The following AP3M1 variants were observed in gnomAD, a reference collection of about 807,000 sequenced individuals.
The protein encoded by AP3M1 is adaptor related protein complex 3 subunit mu 1.
In AP3M1, 29 loss-of-function variants were observed where a neutral mutation model predicts 42.6. That is an observed-to-expected ratio of 0.68 (90% CI 0.51 to 0.93). AP3M1 has a LOEUF of 0.93. AP3M1 is among the 40% of genes least tolerant of loss of function. AP3M1 has a pLI of 0.00. For synonymous variants in AP3M1, 178 were observed against 175.3 expected, an observed-to-expected ratio of 1.02 and a Z score of -0.12; for missense variants, 416 against 510.2, an observed-to-expected ratio of 0.82 and a Z score of 1.78.
chr10:74,131,430 G>A (rs1406650828), intron 4 of AP3M1, among the ~76,000 whole-genome samples: 2 of 152,140 alleles, frequency 1.3e-5, no homozygotes, highest in Non-Finnish European at 2.9e-5. Flanking sequence ...GCCTCCTAAA[G>A]TGCTGGGATT....
intron 6 of AP3M1, among the ~76,000 whole-genome samples, chr10:74,128,489 T>A (rs7907046): frequency 2.0e-5 from 3 of 152,058 alleles, no homozygotes; most frequent in African/African-American, 7.2e-5. Flanking sequence ...TCTGCCCACA[T>A]TGGCCTCCCA....
chr10:74,136,325 A>G (rs904532205), intron 3 of AP3M1, among the ~76,000 whole-genome samples: 1 of 152,116 alleles, frequency 6.6e-6, no homozygotes, highest in Non-Finnish European at 1.5e-5. Context: ...GTGGGCTCAT[A>G]TACTGGCTTC....
At chr10:74,137,108 T>C (rs1452615383) in intron 2 of AP3M1, among the ~76,000 whole-genome samples, 1 of 152,058 alleles carries the variant, frequency 6.6e-6, no homozygotes, top group Non-Finnish European at 1.5e-5. Flanking sequence ...AGTGTGATGG[T>C]GCACACCTGT....
intron 2 of AP3M1, 47 bp from the exon 3 acceptor site, chr10:74,136,850 A>C: frequency 2.3e-6 from 3 of 1,291,456 alleles, no homozygotes; most frequent in Non-Finnish European, 3.1e-6. Context: ...GCAAAAAGAA[A>C]GGCCTGCTAA....
intron 1 of AP3M1, among the ~76,000 whole-genome samples, chr10:74,141,303 G>A (rs1841141706): frequency 6.6e-6 from 1 of 152,094 alleles, no homozygotes; most frequent in Non-Finnish European, 1.5e-5. Flanking sequence ...GCTCATACCT[G>A]TAGTCCCTGC....
chr10:74,137,817 A>G (rs1840992183), intron 2 of AP3M1, among the ~76,000 whole-genome samples: 1 of 152,222 alleles, frequency 6.6e-6, no homozygotes, highest in South Asian at 2.1e-4. Context: ...GTACATGTTC[A>G]GTTCGATTTT....
At chr10:74,134,671 T>C (rs899618842) in intron 3 of AP3M1, among the ~76,000 whole-genome samples, 12 of 152,214 alleles carry the variant, frequency 7.9e-5, no homozygotes, top group Admixed American at 2.0e-4. Flanking sequence ...ATAGCTAGTA[T>C]TCAGTATCCA....
At chr10:74,133,943 G>A (rs1208023028) in intron 4 of AP3M1, 84 bp downstream of exon 4, 43 of 1,538,896 alleles carry the variant, frequency 2.8e-5, no homozygotes, top group African/African-American at 5.5e-5. Flanking sequence ...GTGAGCCACC[G>A]CGCCCGGCCA....
At chr10:74,129,485 T>C (rs965517705) in intron 5 of AP3M1, among the ~76,000 whole-genome samples, 4 of 152,140 alleles carry the variant, frequency 2.6e-5, no homozygotes, top group African/African-American at 9.7e-5. Context: ...CTTTAACAGA[T>C]TAAAAAACTG....
intron 5 of AP3M1, 80 bp downstream of exon 5, chr10:74,129,827 T>A: frequency 1.0e-6 from 1 of 976,656 alleles, no homozygotes; most frequent in Non-Finnish European, 1.6e-6. Context: ...TGCAAACTTA[T>A]CTCAATATTT....
intron 4 of AP3M1, among the ~76,000 whole-genome samples, chr10:74,132,970 G>T (rs373288099): frequency 3.9e-5 from 6 of 152,120 alleles, no homozygotes; most frequent in African/African-American, 1.2e-4. Context: ...ACAGATTTAT[G>T]GGCCAGGTGC....
At chr10:74,148,639 T>C (rs1407244303) in intron 1 of AP3M1, among the ~76,000 whole-genome samples, 1 of 152,142 alleles carries the variant, frequency 6.6e-6, no homozygotes, top group East Asian at 1.9e-4. Context: ...TTTGAACTCC[T>C]GGGCTCAAGT....
chr10:74,126,649 G>A (rs1436463479), intron 6 of AP3M1, among the ~76,000 whole-genome samples: 1 of 151,968 alleles, frequency 6.6e-6, no homozygotes, highest in Non-Finnish European at 1.5e-5. Context: ...CTGAGGTCAG[G>A]AGTTTGAGAC....
Position 74,124,534 on chromosome 10 carries a change from A to G in AP3M1, c.1012-10T>C. ...CATCCCATGTTAGTACCTTAAAAAG[A>G]CAAAAAATGAAAAACAAATAGAACC... On this transcript the variant is annotated splice_polypyrimidine_tract_variant and intron_variant, in intron 7 of 8. Coordinates refer to ENST00000355264, the MANE Select transcript of AP3M1 (RefSeq NM_012095.6). 1 of 1,574,848 alleles carries G rather than the reference A, an allele frequency of 6.3e-7. No individual in the cohort carries two copies. Among genetic ancestry groups the G allele is most frequent in the Non-Finnish European group, 8.6e-7 (1 of 1,166,446 alleles).
intron 6 of AP3M1, among the ~76,000 whole-genome samples, chr10:74,128,299 G>C (rs560468780): frequency 1.3e-4 from 20 of 150,626 alleles, no homozygotes; most frequent in Non-Finnish European, 2.5e-4. Flanking sequence ...GTAGTGCAGT[G>C]GTGTGATCTG....
At chr10:74,124,226 G>A (rs1223350490) in intron 8 of AP3M1, among the ~76,000 whole-genome samples, 154 bp downstream of exon 8, 7 of 152,120 alleles carry the variant, frequency 4.6e-5, no homozygotes, top group South Asian at 2.1e-4. Flanking sequence ...TCATTTGGTC[G>A]GTGCCTGTGA....
chr10:74,142,147 G>T (rs1841172970), intron 1 of AP3M1, among the ~76,000 whole-genome samples: 1 of 152,058 alleles, frequency 6.6e-6, no homozygotes, highest in African/African-American at 2.4e-5. Context: ...GAAGTTTATT[G>T]TCCCTGCAAT....
intron 6 of AP3M1, among the ~76,000 whole-genome samples, chr10:74,128,726 C>T (rs1840690464): frequency 6.8e-6 from 1 of 148,006 alleles, no homozygotes; most frequent in Non-Finnish European, 1.5e-5. Flanking sequence ...CCGTTTTGCT[C>T]TGCTTGCAAA....
At chr10:74,138,016 A>T in intron 2 of AP3M1, 91 bp downstream of exon 2, 1 of 1,357,838 alleles carries the variant, frequency 7.4e-7, no homozygotes, top group Non-Finnish European at 9.9e-7. Flanking sequence ...GACAGTAAAC[A>T]TCAAAACCTG....
Sources: gnomAD v4.1 joint callset for allele counts (sites outside exome capture counted in the v4.1 genomes callset) on GRCh38, gnomAD v4.1.1 for gene constraint, MANE v1.5 for transcripts, NCBI Gene and HGNC (gene_info 2026-07-23, HGNC 2026-07-21) for gene names.